NLGN1: variants seen among roughly 807,000 people sequenced by gnomAD.
NLGN1 encodes neuroligin 1.
Under a neutral mutation model 65.5 loss-of-function variants are expected in NLGN1, and 12 were observed. That is an observed-to-expected ratio of 0.18 (90% CI 0.12 to 0.30). The LOEUF is 0.30. NLGN1 is among the 10% of genes least tolerant of loss of function. The probability of loss-of-function intolerance (pLI) is 1.00; values close to 1 mark genes in which losing one functional copy is unlikely to be tolerated. For synonymous variants in NLGN1, 350 were observed against 359.5 expected (o/e 0.97, Z 0.30); for missense variants, 750 against 1,007.1 (o/e 0.74, Z 3.46).
At chr3:173,979,588 A>G (rs1718310723) in intron 4 of NLGN1, among the ~76,000 whole-genome samples, 1 of 152,156 alleles carries the variant, frequency 6.6e-6, no homozygotes, top group African/African-American at 2.4e-5. Context: ...GACAACAGCT[A>G]TGGTTAGTGT....
intron 4 of NLGN1, among the ~76,000 whole-genome samples, chr3:174,048,114 C>G (rs576505310): frequency 6.6e-6 from 1 of 152,152 alleles, no homozygotes; most frequent in African/African-American, 2.4e-5. Context: ...TCTATCTAAC[C>G]TCAAAAAGAG....
At chr3:173,923,316 G>A (rs955628677) in intron 4 of NLGN1, among the ~76,000 whole-genome samples, 3 of 152,036 alleles carry the variant, frequency 2.0e-5, no homozygotes, top group African/African-American at 7.2e-5. Flanking sequence ...ACTTCAAAAG[G>A]ACTTTCCAAA....
rs74929961 is a variant in NLGN1 at position 173,603,325 on chromosome 3, G to A, written c.-320-954G>A. On this transcript the variant is annotated intron_variant, in intron 2 of 6. Transcript: ENST00000457714. ...ACTGAATGTTATATTTTAGTCTGAT[G>A]CAGTTTAAGTTGAACTGTGTAAACA... Among the ~76,000 whole-genome samples, 1,030 of 152,220 alleles carry A rather than the reference G, an allele frequency of 6.8e-3. 12 individuals carry two copies. Among genetic ancestry groups the A allele is most frequent in the African/African-American group, 0.024 (982 of 41,554 alleles).
intron 3 of NLGN1, among the ~76,000 whole-genome samples, chr3:173,657,420 C>T (rs1310247912): frequency 6.6e-6 from 1 of 151,970 alleles, no homozygotes; most frequent in Non-Finnish European, 1.5e-5. Context: ...TTTCTGCAGT[C>T]TAGCTTCTAA....
intron 4 of NLGN1, among the ~76,000 whole-genome samples, chr3:173,896,156 C>T (rs1285194104): frequency 6.6e-6 from 1 of 152,160 alleles, no homozygotes; most frequent in Non-Finnish European, 1.5e-5. Context: ...TGATTTTGGC[C>T]TCTAGTAGGA....
chr3:174,068,483 T>G (rs1283385670), intron 4 of NLGN1, among the ~76,000 whole-genome samples: 1 of 151,870 alleles, frequency 6.6e-6, no homozygotes, highest in Non-Finnish European at 1.5e-5. Context: ...TTAGCTATCT[T>G]CACAGCGCCT....
chr3:173,781,843 T>C (rs1008566542), intron 3 of NLGN1, among the ~76,000 whole-genome samples: 8 of 152,260 alleles, frequency 5.3e-5, no homozygotes, highest in Non-Finnish European at 1.2e-4. Context: ...TAGGCACTGG[T>C]ACTCTTGGTA....
chr3:173,553,571 C>A (rs1008031085), intron 2 of NLGN1, among the ~76,000 whole-genome samples: 1 of 152,164 alleles, frequency 6.6e-6, no homozygotes, highest in Non-Finnish European at 1.5e-5. Context: ...GAGGTTTGAA[C>A]TGAAAGACTA....
At chr3:173,977,606 GC>G (rs1379430823) in intron 4 of NLGN1, among the ~76,000 whole-genome samples, 1 of 151,938 alleles carries the variant, frequency 6.6e-6, no homozygotes, top group Non-Finnish European at 1.5e-5. Context: ...CAACAAGCCG[GC>G]TTGTGATCCT....
chr3:174,157,156 G>A (rs949890392), intron 4 of NLGN1, among the ~76,000 whole-genome samples: 2 of 151,506 alleles, frequency 1.3e-5, no homozygotes, highest in Non-Finnish European at 1.5e-5. Flanking sequence ...AGGAAAAAAC[G>A]GATGTTTCAG....
intron 4 of NLGN1, among the ~76,000 whole-genome samples, chr3:173,871,125 C>T (rs1040420881): frequency 6.6e-6 from 1 of 152,122 alleles, no homozygotes; most frequent in African/African-American, 2.4e-5. Flanking sequence ...CTACAGGGTT[C>T]AGAGAGTTTC....
intron 4 of NLGN1, among the ~76,000 whole-genome samples, chr3:174,230,967 G>A (rs1417539471): frequency 6.6e-6 from 1 of 152,106 alleles, no homozygotes; most frequent in Non-Finnish European, 1.5e-5. Context: ...TCCTGCAAAG[G>A]CAGTCTAGTC....
chr3:173,591,792 T>A (rs967058235), intron 2 of NLGN1, among the ~76,000 whole-genome samples: 6 of 152,046 alleles, frequency 3.9e-5, no homozygotes, highest in African/African-American at 1.4e-4. Context: ...AAAGAATGAG[T>A]TGAGACTGTA....
intron 3 of NLGN1, among the ~76,000 whole-genome samples, chr3:173,663,633 A>G (rs958692598): frequency 6.6e-6 from 1 of 151,968 alleles, no homozygotes; most frequent in Non-Finnish European, 1.5e-5. Flanking sequence ...CCCACAAATG[A>G]ATCAGAAAAA....
chr3:173,916,006 G>T (rs1740658717), intron 4 of NLGN1, among the ~76,000 whole-genome samples: 1 of 152,032 alleles, frequency 6.6e-6, no homozygotes, highest in African/African-American at 2.4e-5. Context: ...CTCCAAACAG[G>T]CCTTGCCTTT....
At chr3:174,015,996 A>G (rs760077306) in intron 4 of NLGN1, among the ~76,000 whole-genome samples, 2 of 152,184 alleles carry the variant, frequency 1.3e-5, no homozygotes, top group Non-Finnish European at 2.9e-5. Flanking sequence ...AGACAAAAGC[A>G]ACATTGAAGG....
chr3:173,465,596 G>C (rs1024854791), intron 2 of NLGN1, among the ~76,000 whole-genome samples: 3 of 152,148 alleles, frequency 2.0e-5, no homozygotes, highest in South Asian at 4.1e-4. Flanking sequence ...AAAATAATAA[G>C]ACAAAATTCA....
At chr3:173,651,649 C>T (rs1164667194) in intron 3 of NLGN1, among the ~76,000 whole-genome samples, 1 of 152,106 alleles carries the variant, frequency 6.6e-6, no homozygotes, top group Non-Finnish European at 1.5e-5. Context: ...TAATAATAGC[C>T]ATTCTGACTG....
intron 4 of NLGN1, among the ~76,000 whole-genome samples, chr3:173,909,764 C>T (rs1393031385): frequency 1.3e-5 from 2 of 152,104 alleles, no homozygotes; most frequent in African/African-American, 4.8e-5. Context: ...CCGCAACCTC[C>T]ACCTCCCAGG....
Sources: gnomAD v4.1 joint callset for allele counts (sites outside exome capture counted in the v4.1 genomes callset) on GRCh38, gnomAD v4.1.1 for gene constraint, MANE v1.5 for transcripts, NCBI Gene and HGNC (gene_info 2026-07-23, HGNC 2026-07-21) for gene names.